The following GALNT11 variants were observed in gnomAD, a reference collection of about 807,000 sequenced individuals.
The protein encoded by GALNT11 is UDP-GalNAc:polypeptide N-acetylgalactosaminyltransferase 11.
A neutral mutation model predicts 72.7 loss-of-function variants in GALNT11; 47 were observed. The ratio of observed to expected loss-of-function variants is 0.65; its 90% CI spans 0.51 to 0.82. The LOEUF (loss-of-function observed/expected upper bound fraction) is 0.82. Among genes scored for constraint, GALNT11 ranks in the 40% least tolerant of loss-of-function variants. The probability of loss-of-function intolerance (pLI) is 0.00; values close to 1 mark genes in which losing one functional copy is unlikely to be tolerated. For missense variants in GALNT11, 677 were observed against 778.4 expected (o/e 0.87, Z 1.55); for synonymous variants, 270 against 286.6 (o/e 0.94, Z 0.58).
intron 1 of GALNT11, among the ~76,000 whole-genome samples, chr7:152,071,880 A>C (rs2084671018): frequency 6.6e-6 from 1 of 152,076 alleles, no homozygotes; most frequent in African/African-American, 2.4e-5. Flanking sequence ...CATGTCAATT[A>C]TACTTCTTTT....
intron 7 of GALNT11, among the ~76,000 whole-genome samples, 186 bp downstream of exon 7, chr7:152,110,831 A>G (rs545261878): frequency 1.3e-5 from 2 of 151,546 alleles, no homozygotes; most frequent in African/African-American, 4.8e-5. Context: ...CCTGAGCTCA[A>G]GCGATCCTCT....
chr7:152,091,994 C>G (rs372971598), intron 1 of GALNT11, among the ~76,000 whole-genome samples: 4 of 152,080 alleles, frequency 2.6e-5, no homozygotes, highest in Non-Finnish European at 5.9e-5. Flanking sequence ...GCGGGAAGGC[C>G]GGGAGTGGTT....
intron 3 of GALNT11, among the ~76,000 whole-genome samples, chr7:152,101,649 G>C (rs558123420): frequency 2.7e-5 from 4 of 146,530 alleles, no homozygotes; most frequent in East Asian, 2.1e-4. Flanking sequence ...TTTTGGGGGG[G>C]GGGGGATGGA....
At chr7:152,098,260 T>C (rs940721109) in intron 2 of GALNT11, among the ~76,000 whole-genome samples, 13 of 151,790 alleles carry the variant, frequency 8.6e-5, no homozygotes, top group Non-Finnish European at 7.4e-5. Flanking sequence ...AAGACCAGCT[T>C]AAGGTGGTAT....
intron 1 of GALNT11, among the ~76,000 whole-genome samples, chr7:152,058,192 A>G (rs1242982115): frequency 6.6e-6 from 1 of 152,160 alleles, no homozygotes; most frequent in Non-Finnish European, 1.5e-5. Context: ...CCTTAATTTT[A>G]AAAATGCTTT....
At chr7:152,054,430 C>A (rs1468368059) in intron 1 of GALNT11, among the ~76,000 whole-genome samples, 1 of 134,610 alleles carries the variant, frequency 7.4e-6, no homozygotes, top group Non-Finnish European at 1.6e-5. Flanking sequence ...GCACAGTGAT[C>A]TTTCCATTTT....
At chr7:152,052,343 A>G (rs2083444476) in intron 1 of GALNT11, among the ~76,000 whole-genome samples, 1 of 152,118 alleles carries the variant, frequency 6.6e-6, no homozygotes, top group Admixed American at 6.5e-5. Flanking sequence ...CCCGTTTTCA[A>G]TTCTTTTGAG....
chr7:152,069,299 G>A (rs1227128276), intron 1 of GALNT11, among the ~76,000 whole-genome samples: 1 of 152,188 alleles, frequency 6.6e-6, no homozygotes, highest in African/African-American at 2.4e-5. Flanking sequence ...TGTTTTGTAT[G>A]CTTTCTAGTC....
chr7:152,070,243 G>T (rs2084556606), intron 1 of GALNT11, among the ~76,000 whole-genome samples: 1 of 152,080 alleles, frequency 6.6e-6, no homozygotes, highest in Non-Finnish European at 1.5e-5. Flanking sequence ...TGATCCGCTT[G>T]CTTTGTCCTC....
intron 1 of GALNT11, among the ~76,000 whole-genome samples, chr7:152,073,362 A>G (rs527617344): frequency 6.6e-6 from 1 of 152,128 alleles, no homozygotes. Flanking sequence ...TGTGAGATCA[A>G]CTGTTTTTCA....
chr7:152,038,559 G>T lies in GALNT11; in HGVS notation c.-39+12675G>T, dbSNP rs1490764395. Reference sequence around the variant, plus strand: ...CATGTCACAGTGCTGCAGAGATTTTGTTTATGGCCAGTTTTGGGGCCAGTT... The same window carrying T: ...CATGTCACAGTGCTGCAGAGATTTTTTTTATGGCCAGTTTTGGGGCCAGTT... On this transcript the variant is annotated intron_variant, in intron 1 of 11. Coordinates refer to ENST00000430044, the MANE Select transcript of GALNT11 (RefSeq NM_022087.4). Among the ~76,000 whole-genome samples, 6 of 152,312 alleles carry T rather than the reference G, an allele frequency of 3.9e-5. No individual in the cohort carries two copies. In the East Asian group the frequency reaches 7.7e-4, roughly 20 times the overall value.
chr7:152,118,847 T>C (rs577141178), intron 10 of GALNT11, 65 bp downstream of exon 10: 77 of 1,298,376 alleles, frequency 5.9e-5, no homozygotes, highest in Non-Finnish European at 7.5e-5. Flanking sequence ...GGGAAGCTGC[T>C]GCCAGTCACT....
chr7:152,120,796 C>T lies in GALNT11; in HGVS notation c.1558-35C>T, dbSNP rs202221793. 57 of 1,530,858 alleles carry T rather than the reference C, an allele frequency of 3.7e-5. No homozygotes were observed. In the Admixed American group the frequency reaches 5.8e-4, roughly 16 times the overall value. 94.8% of individuals were successfully genotyped at this position (1,530,858 alleles called of 1,614,324 possible). A position where few individuals can be genotyped will look rare whatever the true frequency, so the allele number is the denominator to read the frequency against. ...CAAAGTGTTGTTCAGTCTTAAAATT[C>T]GTTATCTAAATTTTATTTTATTTTT... On this transcript the variant is annotated intron_variant, in intron 10 of 11. Transcript: ENST00000430044.
intron 1 of GALNT11, among the ~76,000 whole-genome samples, chr7:152,044,546 T>C (rs1442015432): frequency 2.6e-5 from 4 of 152,206 alleles, no homozygotes; most frequent in Non-Finnish European, 5.9e-5. Flanking sequence ...TAATTTTATT[T>C]GTGGCTATTG....
At chr7:152,111,671 G>A (rs901587926) in intron 7 of GALNT11, among the ~76,000 whole-genome samples, 1 of 151,318 alleles carries the variant, frequency 6.6e-6, no homozygotes. Context: ...AAGTATTGTT[G>A]TAATGAATGG....
rs555289582 is a variant in GALNT11 at position 152,099,631 on chromosome 7, G to A, written c.296-1167G>A. 5.0e-5 allele frequency among the ~76,000 whole-genome samples: 7 copies of A among 139,250 alleles called. No homozygotes were observed. The East Asian group carries it at 1.5e-3, about 30-fold the overall frequency. The allele number at this position is 139,250 out of a possible 152,430, so 91.4% of individuals were successfully genotyped here. Reference sequence around the variant, plus strand: ...TTGAACTCCTGACCTCAAGCAATCTGCCCGCCTCCACTTCCCATAGTGCTG... The same window carrying A: ...TTGAACTCCTGACCTCAAGCAATCTACCCGCCTCCACTTCCCATAGTGCTG... On this transcript the variant is annotated intron_variant, in intron 2 of 11. Transcript: ENST00000430044.
intron 1 of GALNT11, among the ~76,000 whole-genome samples, chr7:152,063,670 C>T (rs998053619): frequency 6.6e-6 from 1 of 152,142 alleles, no homozygotes; most frequent in Non-Finnish European, 1.5e-5. Flanking sequence ...TGTCTTTGTT[C>T]TCATTGGTTT....
In GALNT11 at chr7:152,071,126, C is replaced by G. The variant is rs200391848; in HGVS notation, c.-38-23064C>G. 2.2e-5 allele frequency among the ~76,000 whole-genome samples: 3 copies of G among 134,480 alleles called. No individual in the cohort carries two copies. The East Asian group carries it at 6.9e-4, about 31-fold the overall frequency. The allele number at this position is 134,480 out of a possible 152,430, so 88.2% of individuals were successfully genotyped here. ...CTAATGAAGTTTCGGGCACCATTGTCATTGATAACATCTTACCAGGAGACA... is the reference window on the plus strand; with the variant it reads ...CTAATGAAGTTTCGGGCACCATTGTGATTGATAACATCTTACCAGGAGACA... On this transcript the variant is annotated intron_variant, in intron 1 of 11. Transcript: ENST00000430044.
intron 1 of GALNT11, among the ~76,000 whole-genome samples, chr7:152,047,165 T>C (rs1170189161): frequency 6.6e-6 from 1 of 151,868 alleles, no homozygotes; most frequent in Non-Finnish European, 1.5e-5. Flanking sequence ...TTGCTTGAAC[T>C]CAGAAGTTCA....
Sources: gnomAD v4.1 joint callset for allele counts (sites outside exome capture counted in the v4.1 genomes callset) on GRCh38, gnomAD v4.1.1 for gene constraint, MANE v1.5 for transcripts, NCBI Gene and HGNC (gene_info 2026-07-23, HGNC 2026-07-21) for gene names.